MBNL1: variants seen among roughly 807,000 people sequenced by gnomAD.
MBNL1 encodes muscleblind like splicing regulator 1, also known as muscleblind-like protein 1.
A neutral mutation model predicts 42.2 loss-of-function variants in MBNL1; 8 were observed. That is an observed-to-expected ratio of 0.19 (90% CI 0.11 to 0.34). MBNL1 has a LOEUF of 0.34. Among genes scored for constraint, MBNL1 ranks in the 10% least tolerant of loss-of-function variants. The probability of loss-of-function intolerance (pLI) is 1.00; values close to 1 mark genes in which losing one functional copy is unlikely to be tolerated. For synonymous variants in MBNL1, 169 were observed against 173.9 expected, an observed-to-expected ratio of 0.97 and a Z score of 0.22; for missense variants, 309 against 495.3, an observed-to-expected ratio of 0.62 and a Z score of 3.57.
chr3:152,436,252 A>T (rs536011486), intron 4 of MBNL1, among the ~76,000 whole-genome samples: 1 of 152,344 alleles, frequency 6.6e-6, no homozygotes, highest in African/African-American at 2.4e-5. Context: ...AGACACATGC[A>T]TCGCAGGTTT....
intron 2 of MBNL1, among the ~76,000 whole-genome samples, chr3:152,392,032 C>T (rs2097740075): frequency 6.6e-6 from 1 of 151,592 alleles, no homozygotes; most frequent in Non-Finnish European, 1.5e-5. Context: ...TTTTACTGAA[C>T]ATGTGTTTCA....
chr3:152,352,080 A>G (rs1480298857), intron 2 of MBNL1, among the ~76,000 whole-genome samples: 1 of 152,200 alleles, frequency 6.6e-6, no homozygotes, highest in Non-Finnish European at 1.5e-5. Flanking sequence ...ATTTGAAGTG[A>G]AAAATTGTAG....
chr3:152,307,634 A>G (rs11705943), intron 2 of MBNL1, among the ~76,000 whole-genome samples: 1 of 152,100 alleles, frequency 6.6e-6, no homozygotes, highest in Non-Finnish European at 1.5e-5. Flanking sequence ...TAGGTAATAC[A>G]TGCAAGGTCA....
At chr3:152,346,899 C>A (rs73869995) in intron 2 of MBNL1, among the ~76,000 whole-genome samples, 2,386 of 128,294 alleles carry the variant, frequency 0.019, 66 homozygotes, top group African/African-American at 0.064. Flanking sequence ...AAAAAAAAAA[C>A]CAGTCATGGT....
chr3:152,311,611 CAAT>C (rs1335950736), intron 2 of MBNL1, among the ~76,000 whole-genome samples: 2 of 151,524 alleles, frequency 1.3e-5, no homozygotes, highest in Non-Finnish European at 2.9e-5. Flanking sequence ...TAATAATTAT[CAAT>C]AATGCTGAAA....
chr3:152,405,785 C>T (rs1003531066), intron 2 of MBNL1, among the ~76,000 whole-genome samples: 6 of 151,950 alleles, frequency 3.9e-5, no homozygotes, highest in Admixed American at 3.9e-4. Context: ...TTTTGTGTTT[C>T]TCCACTGAAA....
intron 2 of MBNL1, among the ~76,000 whole-genome samples, chr3:152,253,681 T>C (rs956949729): frequency 6.6e-6 from 1 of 152,104 alleles, no homozygotes; most frequent in African/African-American, 2.4e-5. Flanking sequence ...CCCCAGAGTA[T>C]TCTGAGCTCA....
In MBNL1 at chr3:152,465,710, T is replaced by C. The variant is rs1233001541; in HGVS notation, c.*3344T>C. ...TGTTTTATGCTTATTTTATTATTACTGCAGTAGTTGACTTTGCTGTATGGA... is the reference window on the plus strand; with the variant it reads ...TGTTTTATGCTTATTTTATTATTACCGCAGTAGTTGACTTTGCTGTATGGA... On this transcript the variant is annotated 3_prime_UTR_variant, in exon 10 of 10. Coordinates refer to ENST00000324210, the MANE Select transcript of MBNL1 (RefSeq NM_021038.5). The C allele has an allele frequency of 6.6e-6, 1 of 152,582 alleles. No homozygotes were observed. The highest frequency in any genetic ancestry group is 6.5e-5 in the Admixed American group (1 of 15,280). The allele number at this position is 152,582 out of a possible 1,614,324, so 9.5% of individuals were successfully genotyped here.
At chr3:152,267,990 T>G (rs1300842612), upstream of MBNL1, 1 of 152,210 alleles carries the variant, frequency 6.6e-6, no homozygotes, top group African/African-American at 2.4e-5. Context: ...CTCCAAAACT[T>G]CATCACATCA....
chr3:152,311,987 G>C (rs544991777), intron 2 of MBNL1, among the ~76,000 whole-genome samples: 1 of 151,716 alleles, frequency 6.6e-6, no homozygotes, highest in Non-Finnish European at 1.5e-5. Flanking sequence ...TCAGGAGATC[G>C]AGACCATCCC....
rs79205812 is a variant in MBNL1 at position 152,338,922 on chromosome 3, C to T, written c.174+38555C>T. On this transcript the variant is annotated intron_variant, in intron 2 of 9. Coordinates refer to ENST00000324210, the MANE Select transcript of MBNL1 (RefSeq NM_021038.5). Reference sequence around the variant, plus strand: ...TTTTAAATATTCAATTTTTTTTATTCGGACTCTGTGAAGCACTTTTTCACA... The same window carrying T: ...TTTTAAATATTCAATTTTTTTTATTTGGACTCTGTGAAGCACTTTTTCACA... 2.4e-3 allele frequency among the ~76,000 whole-genome samples: 367 copies of T among 151,526 alleles called. 8 individuals carry two copies. In the East Asian group the frequency reaches 0.057, roughly 24 times the overall value.
At chr3:152,355,245 C>T (rs1373455357) in intron 2 of MBNL1, among the ~76,000 whole-genome samples, 9 of 152,246 alleles carry the variant, frequency 5.9e-5, no homozygotes, top group East Asian at 1.9e-4. Flanking sequence ...CATACTGTCT[C>T]GGTCAACTTG....
At chr3:152,418,975 C>A (rs2098752561) in intron 3 of MBNL1, among the ~76,000 whole-genome samples, 1 of 152,104 alleles carries the variant, frequency 6.6e-6, no homozygotes, top group Admixed American at 6.5e-5. Context: ...CACAGCCTCT[C>A]AGAGTGCTGG....
At chr3:152,444,886 A>G (rs1251903003) in intron 4 of MBNL1, among the ~76,000 whole-genome samples, 1 of 152,128 alleles carries the variant, frequency 6.6e-6, no homozygotes, top group Admixed American at 6.5e-5. Flanking sequence ...TGCCCTTCTC[A>G]TTGTATCATA....
intron 4 of MBNL1, among the ~76,000 whole-genome samples, chr3:152,435,482 A>C (rs1445356827): frequency 3.3e-5 from 5 of 152,184 alleles, no homozygotes; most frequent in Admixed American, 6.5e-5. Context: ...TGATGCCTAC[A>C]GCTTTGTTAT....
chr3:152,375,401 A>G (rs2096854507), intron 2 of MBNL1, among the ~76,000 whole-genome samples: 1 of 152,218 alleles, frequency 6.6e-6, no homozygotes, highest in Admixed American at 6.5e-5. Context: ...TATGCATACA[A>G]ATATTTATAG....
chr3:152,376,724 G>C (rs1009946156), intron 2 of MBNL1, among the ~76,000 whole-genome samples: 1 of 152,104 alleles, frequency 6.6e-6, no homozygotes, highest in Non-Finnish European at 1.5e-5. Context: ...GTCATTAGCT[G>C]CACGTCCATC....
At chr3:152,359,696 G>A (rs910023453) in intron 2 of MBNL1, among the ~76,000 whole-genome samples, 1 of 152,166 alleles carries the variant, frequency 6.6e-6, no homozygotes, top group Non-Finnish European at 1.5e-5. Context: ...ATAAGGGATG[G>A]TTCTAGATAT....
chr3:152,339,170 A>G (rs1202808197), intron 2 of MBNL1, among the ~76,000 whole-genome samples: 1 of 152,190 alleles, frequency 6.6e-6, no homozygotes, highest in African/African-American at 2.4e-5. Context: ...CTTAGTTGGT[A>G]GTGCTAGGGA....
Sources: allele counts gnomAD v4.1 joint callset (sites outside exome capture counted in the v4.1 genomes callset), GRCh38; gene constraint gnomAD v4.1.1; transcripts MANE v1.5; gene names NCBI Gene and HGNC (gene_info 2026-07-23, HGNC 2026-07-21).